Variants in HACE1 observed in about 807,000 individuals in gnomAD.
HACE1 encodes the protein HECT domain and ankyrin repeat containing E3 ubiquitin protein ligase 1, also known as E3 ubiquitin-protein ligase HACE1.
A neutral mutation model predicts 118.4 loss-of-function variants in HACE1; 73 were observed. That is an observed-to-expected ratio of 0.62 (90% CI 0.51 to 0.75). HACE1 has a LOEUF of 0.75. Ranked by LOEUF, HACE1 falls within the 30% of genes least tolerant of loss-of-function variation. The pLI is 0.00. For synonymous variants in HACE1, 368 were observed against 374.8 expected (o/e 0.98, Z 0.21); for missense variants, 749 against 1,102.2 (o/e 0.68, Z 4.54).
At chr6:104,733,464 AAAAT>A (rs1437303835) in intron 22 of HACE1, among the ~76,000 whole-genome samples, 1 of 152,350 alleles carries the variant, frequency 6.6e-6, no homozygotes, top group East Asian at 1.9e-4. Context: ...ATATATGAGA[AAAAT>A]AAATAAAACA....
intron 22 of HACE1, among the ~76,000 whole-genome samples, chr6:104,740,141 C>G (rs1242415688): frequency 6.8e-6 from 1 of 147,472 alleles, no homozygotes. Context: ...CACAACATAC[C>G]AGAATCTCTG....
chr6:104,840,233 T>C (rs769619903), intron 5 of HACE1, among the ~76,000 whole-genome samples: 1 of 152,112 alleles, frequency 6.6e-6, no homozygotes, highest in Non-Finnish European at 1.5e-5. Context: ...ACAGGGAAAA[T>C]AAAATGTTAT....
At chr6:104,819,350 A>G (rs1316290983) in intron 6 of HACE1, among the ~76,000 whole-genome samples, 1 of 152,210 alleles carries the variant, frequency 6.6e-6, no homozygotes, top group Non-Finnish European at 1.5e-5. Flanking sequence ...AGATCTCTAC[A>G]AGGAGAACTA....
rs142324894 is a variant in HACE1 at position 104,759,956 on chromosome 6, G to A, written c.2212-9484C>T. 7.2e-3 allele frequency among the ~76,000 whole-genome samples: 1,098 copies of A among 152,124 alleles called. 29 individuals carry two copies. The East Asian group carries it at 0.074, about 10-fold the overall frequency. ...ATAAACTAGAAAATCCAGAAGAAAT[G>A]GATAAATTCCTAGACACATACACCA... On this transcript the variant is annotated intron_variant, in intron 19 of 23. Transcript: ENST00000262903.
intron 7 of HACE1, among the ~76,000 whole-genome samples, chr6:104,804,702 T>C (rs1188212009): frequency 6.6e-6 from 1 of 152,080 alleles, no homozygotes; most frequent in East Asian, 1.9e-4. Context: ...TATACAAAAA[T>C]TAATTCAGGA....
chr6:104,730,190 G>C, intron 23 of HACE1, 113 bp downstream of exon 23: 2 of 714,584 alleles, frequency 2.8e-6, no homozygotes, highest in East Asian at 2.7e-5. Context: ...CAAAATCCTG[G>C]AGAGAGATCA....
chr6:104,836,700 G>A (rs568070815), intron 5 of HACE1, among the ~76,000 whole-genome samples: 94 of 152,230 alleles, frequency 6.2e-4, no homozygotes, highest in African/African-American at 1.9e-3. Flanking sequence ...GTGACAGAGT[G>A]AGACTCTGTC....
intron 8 of HACE1, 33 bp downstream of exon 8, chr6:104,796,896 A>T: frequency 8.0e-7 from 1 of 1,247,024 alleles, no homozygotes; most frequent in South Asian, 1.2e-5. Context: ...TATTATAAAG[A>T]TAAGGGGCTC....
chr6:104,796,248 C>A (rs1187163801), intron 9 of HACE1, among the ~76,000 whole-genome samples: 1 of 151,994 alleles, frequency 6.6e-6, no homozygotes, highest in African/African-American at 2.4e-5. Context: ...GTAGCTCAGA[C>A]TACAGATGCA....
At position 104,791,659 on chromosome 6, in the gene HACE1, A is replaced by G; in HGVS notation, c.924-5T>C. The G allele has an allele frequency of 6.3e-7, 1 of 1,588,690 alleles. No individual in the cohort carries two copies. Among genetic ancestry groups the G allele is most frequent in the Non-Finnish European group, 8.6e-7 (1 of 1,157,744 alleles). On this transcript the variant is annotated splice_region_variant and splice_polypyrimidine_tract_variant and intron_variant, in intron 10 of 23. Transcript: ENST00000262903. The stretch of plus-strand genomic sequence containing the variant: ...GCATCATAATTGCTAGAGAGGCTGA[A>G]AATAAAAATTAAAATATGAGATTAG...
intron 5 of HACE1, among the ~76,000 whole-genome samples, chr6:104,841,653 A>G (rs1359175671): frequency 6.6e-6 from 1 of 152,140 alleles, no homozygotes; most frequent in Non-Finnish European, 1.5e-5. Context: ...TCATTCCCCA[A>G]TTTTTAATCA....
intron 11 of HACE1, 91 bp downstream of exon 11, chr6:104,791,413 G>T: frequency 1.7e-6 from 2 of 1,179,574 alleles, no homozygotes; most frequent in South Asian, 1.2e-5. Flanking sequence ...CTTACAACCT[G>T]TTCATGAGCT....
chr6:104,736,093 T>C (rs928812052), intron 22 of HACE1, among the ~76,000 whole-genome samples: 2 of 151,832 alleles, frequency 1.3e-5, no homozygotes, highest in African/African-American at 4.8e-5. Flanking sequence ...TTCTCCTATC[T>C]GAATTGTCAA....
chr6:104,811,242 T>TACATATA, intron 7 of HACE1, 69 bp downstream of exon 7: 1 of 189,546 alleles, frequency 5.3e-6, no homozygotes, highest in African/African-American at 3.7e-5. Flanking sequence ...ATTTCTTTAT[T>TACATATA]TATACATATA....
intron 19 of HACE1, among the ~76,000 whole-genome samples, chr6:104,769,094 A>G (rs9399896): frequency 0.57 from 85,872 of 151,738 alleles, 25,928 homozygotes; most frequent in African/African-American, 0.8. Context: ...GAGGGCAGTA[A>G]TGTCATCTTG....
At chr6:104,740,611 A>G (rs1262407982) in intron 22 of HACE1, among the ~76,000 whole-genome samples, 2 of 151,712 alleles carry the variant, frequency 1.3e-5, no homozygotes, top group East Asian at 3.9e-4. Context: ...CTAAACTAGG[A>G]AGAAGTTGAA....
chr6:104,779,261 C>T (rs1281003572), intron 14 of HACE1, among the ~76,000 whole-genome samples: 1 of 152,154 alleles, frequency 6.6e-6, no homozygotes, highest in Non-Finnish European at 1.5e-5. Context: ...TACCATCCAA[C>T]ACCACAAAAA....
At chr6:104,752,653 T>C (rs767663580) in intron 19 of HACE1, among the ~76,000 whole-genome samples, 15 of 152,104 alleles carry the variant, frequency 9.9e-5, no homozygotes, top group Non-Finnish European at 1.5e-4. Context: ...GAACGTTACC[T>C]ATTTTAATTG....
chr6:104,851,879 A>G (rs1276911721), intron 2 of HACE1, among the ~76,000 whole-genome samples: 1 of 152,170 alleles, frequency 6.6e-6, no homozygotes, highest in African/African-American at 2.4e-5. Context: ...TATTTCATAT[A>G]TGGCCCTGTA....
Sources: gnomAD v4.1 joint callset for allele counts (sites outside exome capture counted in the v4.1 genomes callset) on GRCh38, gnomAD v4.1.1 for gene constraint, MANE v1.5 for transcripts, NCBI Gene and HGNC (gene_info 2026-07-23, HGNC 2026-07-21) for gene names.